The following MDGA2 variants were observed in gnomAD, a reference collection of about 807,000 sequenced individuals.
MDGA2 encodes the protein MAM domain-containing glycosylphosphatidylinositol anchor protein 2.
MDGA2 carries 40 observed loss-of-function variants against 117.8 expected under a neutral mutation model. The ratio of observed to expected loss-of-function variants is 0.34; its 90% CI spans 0.26 to 0.44. The LOEUF (loss-of-function observed/expected upper bound fraction) is 0.44. Ranked by LOEUF, MDGA2 falls within the 20% of genes least tolerant of loss-of-function variation. The pLI is 1.00. For missense variants in MDGA2, 1,123 were observed against 1,250.6 expected, an observed-to-expected ratio of 0.90 and a Z score of 1.54; for synonymous variants, 452 against 439.0, an observed-to-expected ratio of 1.03 and a Z score of -0.37.
At chr14:47,288,989 T>C (rs916494781) in intron 2 of MDGA2, among the ~76,000 whole-genome samples, 13 of 152,120 alleles carry the variant, frequency 8.5e-5, no homozygotes, top group African/African-American at 3.1e-4. Context: ...AGCAGTTGTA[T>C]AGATTATTAA....
At chr14:47,424,818 C>CCT (rs1391180963) in intron 1 of MDGA2, among the ~76,000 whole-genome samples, 1 of 152,076 alleles carries the variant, frequency 6.6e-6, no homozygotes, top group Non-Finnish European at 1.5e-5. Flanking sequence ...CTCCACCTAC[C>CCT]CTCCCATTGC....
intron 8 of MDGA2, among the ~76,000 whole-genome samples, chr14:47,024,418 T>C (rs1888401092): frequency 1.3e-5 from 2 of 152,184 alleles, no homozygotes; most frequent in African/African-American, 2.4e-5. Flanking sequence ...TCAAGAAACA[T>C]CTGATCGCTT....
intron 1 of MDGA2, among the ~76,000 whole-genome samples, chr14:47,569,496 C>G (rs925300611): frequency 2.6e-5 from 4 of 152,178 alleles, no homozygotes; most frequent in African/African-American, 9.7e-5. Flanking sequence ...AAAAACCCAA[C>G]ACAGTCCCAG....
intron 1 of MDGA2, among the ~76,000 whole-genome samples, chr14:47,616,425 A>T (rs1477673648): frequency 6.6e-6 from 1 of 152,212 alleles, no homozygotes; most frequent in African/African-American, 2.4e-5. Flanking sequence ...GAAGACCTAA[A>T]TTTTATAATG....
At chr14:47,376,786 C>T (rs1230775250) in intron 1 of MDGA2, among the ~76,000 whole-genome samples, 1 of 152,016 alleles carries the variant, frequency 6.6e-6, no homozygotes, top group Non-Finnish European at 1.5e-5. Context: ...GTACAGGGAA[C>T]TAAGACACTG....
chr14:47,570,097 A>G (rs1895991022), intron 1 of MDGA2, among the ~76,000 whole-genome samples: 1 of 152,222 alleles, frequency 6.6e-6, no homozygotes, highest in African/African-American at 2.4e-5. Flanking sequence ...ATATAATATT[A>G]GAATGTGTCC....
At chr14:47,139,857 C>A (rs1228281919) in intron 4 of MDGA2, among the ~76,000 whole-genome samples, 1 of 138,138 alleles carries the variant, frequency 7.2e-6, no homozygotes, top group Non-Finnish European at 1.5e-5. Context: ...CATATATATA[C>A]ACATATATAT....
intron 1 of MDGA2, among the ~76,000 whole-genome samples, chr14:47,335,777 G>A (rs946439271): frequency 1.3e-5 from 1 of 75,612 alleles, no homozygotes; most frequent in Non-Finnish European, 2.8e-5. Flanking sequence ...CACTCTGGCT[G>A]TTGTGTTGAA....
chr14:46,931,085 C>G (rs1001247076), intron 9 of MDGA2, among the ~76,000 whole-genome samples: 1 of 151,606 alleles, frequency 6.6e-6, no homozygotes, highest in Non-Finnish European at 1.5e-5. Flanking sequence ...CATGGTGGCA[C>G]GCACCTGTAA....
At chr14:47,307,691 G>A (rs35072633) in intron 1 of MDGA2, among the ~76,000 whole-genome samples, 22,010 of 149,912 alleles carry the variant, frequency 0.15, 1,770 homozygotes, top group Middle Eastern at 0.22. Flanking sequence ...CTGTGGGGGG[G>A]AAAAAAAAAG....
chr14:47,306,683 C>A (rs1415752230), intron 1 of MDGA2, among the ~76,000 whole-genome samples: 1 of 152,136 alleles, frequency 6.6e-6, no homozygotes, highest in Non-Finnish European at 1.5e-5. Flanking sequence ...GGTAACAGAT[C>A]TGTTTAGTTA....
At chr14:47,673,465 G>A (rs903192775) in intron 1 of MDGA2, among the ~76,000 whole-genome samples, 1 of 152,188 alleles carries the variant, frequency 6.6e-6, no homozygotes, top group Non-Finnish European at 1.5e-5. Flanking sequence ...CTGACTCAGG[G>A]GCGAGGGGTG....
At chr14:46,964,919 CTTTTTTTT>C (rs746778179) in intron 8 of MDGA2, among the ~76,000 whole-genome samples, 1 of 89,812 alleles carries the variant, frequency 1.1e-5, no homozygotes, top group African/African-American at 6.1e-5. Context: ...TATATATTTA[CTTTTTTTT>C]TTTTTTTTTT....
chr14:47,640,422 A>G (rs1897402878), intron 1 of MDGA2, among the ~76,000 whole-genome samples: 1 of 151,458 alleles, frequency 6.6e-6, no homozygotes, highest in South Asian at 2.1e-4. Flanking sequence ...CTCCAATTTT[A>G]CCCCACTAGT....
intron 1 of MDGA2, among the ~76,000 whole-genome samples, chr14:47,555,418 C>A (rs1418839233): frequency 6.6e-6 from 1 of 152,058 alleles, no homozygotes; most frequent in Non-Finnish European, 1.5e-5. Context: ...ACTCCTGAGT[C>A]TGGGAAAGAC....
At chr14:46,971,865 AAT>A (rs1566553099) in intron 8 of MDGA2, among the ~76,000 whole-genome samples, 1 of 152,146 alleles carries the variant, frequency 6.6e-6, no homozygotes, top group Admixed American at 6.6e-5. Flanking sequence ...GTACCTCATA[AAT>A]ATGTAAAATA....
rs192154839 is a variant in MDGA2, at chr14:47,266,023, A to C, written c.420+35388T>G. 9.9e-5 allele frequency among the ~76,000 whole-genome samples: 15 copies of C among 152,274 alleles called. No homozygotes were observed. In the East Asian group the frequency reaches 2.3e-3, roughly 24 times the overall value. ...CAAGGCATGGGTCTAGGATTAAATG[A>C]GGTCACATAATCCTCATATGTTACC... On this transcript the variant is annotated intron_variant, in intron 2 of 16. Transcript: ENST00000399232.
At chr14:46,867,038 C>T (rs1419504240) in intron 14 of MDGA2, among the ~76,000 whole-genome samples, 1 of 152,134 alleles carries the variant, frequency 6.6e-6, no homozygotes, top group Non-Finnish European at 1.5e-5. Flanking sequence ...CATCCCATTA[C>T]TGGGTATATA....
At position 46,855,209 on chromosome 14, in the gene MDGA2, T is replaced by C. The variant is rs1427280678; in HGVS notation, c.2753-55A>G. 1 of 1,522,676 alleles carries C rather than the reference T, an allele frequency of 6.6e-7. No homozygotes were observed. The highest frequency in any genetic ancestry group is 8.9e-7 in the Non-Finnish European group (1 of 1,121,162). The allele number at this position is 1,522,676 out of a possible 1,614,324, so 94.3% of individuals were successfully genotyped here. On this transcript the variant is annotated intron_variant, in intron 14 of 16. Coordinates refer to ENST00000399232, the MANE Select transcript of MDGA2 (RefSeq NM_001113498.3). The surrounding 1 kb of genome is among the most constrained non-coding windows in gnomAD (Gnocchi z 4.1). ...ATATTCATTTTCACCTCAAATTTGT[T>C]TTTCCTTGACCAAACACTTGTAAAC...
Sources: allele counts gnomAD v4.1 joint callset (sites outside exome capture counted in the v4.1 genomes callset), GRCh38; gene constraint gnomAD v4.1.1; non-coding constraint Gnocchi (gnomAD v3.1); transcripts MANE v1.5; gene names NCBI Gene and HGNC (gene_info 2026-07-23, HGNC 2026-07-21).